Variants in RAB22A observed in about 807,000 individuals in gnomAD.
The protein encoded by RAB22A is ras-related protein Rab-22A.
In RAB22A, 13 loss-of-function variants were observed where a neutral mutation model predicts 30.2. The ratio of observed to expected loss-of-function variants is 0.43; its 90% CI spans 0.28 to 0.68. The LOEUF (loss-of-function observed/expected upper bound fraction) is 0.68. RAB22A is among the 30% of genes least tolerant of loss of function. The probability of loss-of-function intolerance (pLI) is 0.18; values close to 1 mark genes in which losing one functional copy is unlikely to be tolerated. For missense variants in RAB22A, 177 were observed against 246.8 expected (o/e 0.72, Z 1.89); for synonymous variants, 89 against 87.2 (o/e 1.02, Z -0.11).
intron 2 of RAB22A, among the ~76,000 whole-genome samples, chr20:58,314,414 G>A (rs1986295295): frequency 6.6e-6 from 1 of 152,188 alleles, no homozygotes; most frequent in African/African-American, 2.4e-5. Flanking sequence ...GAAATATGCA[G>A]TACTATGAAA....
intron 2 of RAB22A, among the ~76,000 whole-genome samples, chr20:58,313,296 A>G (rs1396391890): frequency 1.3e-5 from 2 of 152,054 alleles, no homozygotes; most frequent in Non-Finnish European, 2.9e-5. Flanking sequence ...AATAGCATAC[A>G]AGGCTTTCTC....
At chr20:58,355,066 G>A (rs540222203) in intron 6 of RAB22A, among the ~76,000 whole-genome samples, 2 of 152,356 alleles carry the variant, frequency 1.3e-5, no homozygotes, top group South Asian at 4.1e-4. Context: ...CTGTAGAGGT[G>A]TGGGGAGTCA....
intron 6 of RAB22A, among the ~76,000 whole-genome samples, chr20:58,358,074 T>C (rs914311631): frequency 3.9e-5 from 6 of 152,320 alleles, no homozygotes; most frequent in Middle Eastern, 3.4e-3. Flanking sequence ...GTAACCTGTT[T>C]CTGGTGTCCT....
chr20:58,324,902 C>G (rs371432066), intron 2 of RAB22A, among the ~76,000 whole-genome samples: 2 of 132,904 alleles, frequency 1.5e-5, no homozygotes, highest in Admixed American at 7.8e-5. Flanking sequence ...TACGCCAGGC[C>G]CGGTGGCTCA....
chr20:58,324,740 G>C (rs537135066), intron 2 of RAB22A, among the ~76,000 whole-genome samples: 1 of 151,308 alleles, frequency 6.6e-6, no homozygotes, highest in Non-Finnish European at 1.5e-5. Flanking sequence ...GGGGGCACAT[G>C]CCTGTAGTCC....
intron 2 of RAB22A, among the ~76,000 whole-genome samples, chr20:58,324,033 CATATAAAT>C (rs1311241502): frequency 6.6e-6 from 1 of 152,108 alleles, no homozygotes; most frequent in Non-Finnish European, 1.5e-5. Flanking sequence ...TGGAGACTAT[CATATAAAT>C]ACTTTTTTAT....
intron 2 of RAB22A, among the ~76,000 whole-genome samples, chr20:58,312,870 A>G (rs1300973874): frequency 1.3e-5 from 2 of 152,172 alleles, no homozygotes; most frequent in Non-Finnish European, 2.9e-5. Flanking sequence ...AGTTTCTGCA[A>G]TTAAAATGCT....
At chr20:58,340,612 C>G (rs1490684689) in intron 2 of RAB22A, among the ~76,000 whole-genome samples, 1 of 152,084 alleles carries the variant, frequency 6.6e-6, no homozygotes, top group Non-Finnish European at 1.5e-5. Context: ...GAGGAAGATA[C>G]CCCTATTACA....
rs1987319720 is a variant in RAB22A at position 58,366,494 on chromosome 20, A to G, written c.*6791A>G. The G allele has an allele frequency of 6.6e-6, 1 of 152,194 alleles. No individual in the cohort carries two copies. Among genetic ancestry groups the G allele is most frequent in the East Asian group, 1.9e-4 (1 of 5,198 alleles). The allele number at this position is 152,194 out of a possible 1,614,324, so 9.4% of individuals were successfully genotyped here. The stretch of plus-strand genomic sequence containing the variant: ...TAAGAATATTCCCAACACAAAGAAA[A>G]GATAAGCGAGGTGAAGGAAATCCCA... On this transcript the variant is annotated 3_prime_UTR_variant, in exon 7 of 7. Transcript: ENST00000244040.
At position 58,364,579 on chromosome 20, in the gene RAB22A, A is replaced by ACCCTCTT; in HGVS notation, c.*4876_*4877insCCCTCTT. ...TAACAGATTTAACAAAAAGTGTTTA[A>ACCCTCTT]TTTACTGCAAGTTCATTTTTAGATC... On this transcript the variant is annotated 3_prime_UTR_variant, in exon 7 of 7. Transcript: ENST00000244040. 1 of 152,290 alleles carries ACCCTCTT rather than the reference A, an allele frequency of 6.6e-6. No homozygotes were observed. The highest frequency in any genetic ancestry group is 1.5e-5 in the Non-Finnish European group (1 of 68,018). The allele number at this position is 152,290 out of a possible 1,614,324, so 9.4% of individuals were successfully genotyped here.
intron 6 of RAB22A, among the ~76,000 whole-genome samples, chr20:58,355,170 A>G (rs1568682254): frequency 6.6e-6 from 1 of 152,122 alleles, no homozygotes; most frequent in Non-Finnish European, 1.5e-5. Context: ...TTGAGAGCCA[A>G]GGGTACTGAA....
rs533821930 is a variant in RAB22A at position 58,317,158 on chromosome 20, G to A, written c.116+6036G>A. 2.2e-3 allele frequency among the ~76,000 whole-genome samples: 340 copies of A among 152,124 alleles called. 1 individual carries two copies. Among genetic ancestry groups the A allele is most frequent in the African/African-American group, 8.0e-3 (333 of 41,492 alleles). On this transcript the variant is annotated intron_variant, in intron 2 of 6. Coordinates refer to ENST00000244040, the MANE Select transcript of RAB22A (RefSeq NM_020673.3). ...GTCGCCCAGGCTGGAGTGCAGTGGC[G>A]CAATCTCGGCTCACTGCAACCTCCG...
At chr20:58,357,149 G>A (rs1987144810) in intron 6 of RAB22A, among the ~76,000 whole-genome samples, 1 of 152,174 alleles carries the variant, frequency 6.6e-6, no homozygotes, top group Admixed American at 6.5e-5. Context: ...TAGTGTATGA[G>A]AAGTCCGATC....
chr20:58,349,621 G>A (rs746173414), intron 3 of RAB22A, among the ~76,000 whole-genome samples: 1 of 152,216 alleles, frequency 6.6e-6, no homozygotes, highest in Non-Finnish European at 1.5e-5. Context: ...CAATCCTGCT[G>A]TGTTACAGGG....
chr20:58,328,704 G>A (rs751584035), intron 2 of RAB22A, among the ~76,000 whole-genome samples: 1 of 151,872 alleles, frequency 6.6e-6, no homozygotes, highest in Non-Finnish European at 1.5e-5. Context: ...CCCTACTTAG[G>A]TAGTCCTTAC....
chr20:58,322,704 G>A (rs1458939554), intron 2 of RAB22A, among the ~76,000 whole-genome samples: 2 of 152,206 alleles, frequency 1.3e-5, no homozygotes, highest in Non-Finnish European at 2.9e-5. Context: ...CCTCGCAAGA[G>A]CGTCCTTCTG....
Position 58,354,276 on chromosome 20 carries a change from C to T in RAB22A, c.487+11C>T, listed in dbSNP as rs76391525. 1.9e-3 allele frequency: 3,027 copies of T among 1,573,660 alleles called. 51 individuals are homozygous for T. The African/African-American group carries it at 0.037, about 19-fold the overall frequency. Reference sequence around the variant, plus strand: ...TCTTTATAGAAATTAGTGAGTATCTCTGTGCCTTATCCATTTCCTCTGTAA... The same window carrying T: ...TCTTTATAGAAATTAGTGAGTATCTTTGTGCCTTATCCATTTCCTCTGTAA... On this transcript the variant is annotated intron_variant, in intron 6 of 6. Transcript: ENST00000244040.
At chr20:58,338,555 A>C (rs989655598) in intron 2 of RAB22A, among the ~76,000 whole-genome samples, 1 of 152,146 alleles carries the variant, frequency 6.6e-6, no homozygotes, top group African/African-American at 2.4e-5. Context: ...GATTCAAGAA[A>C]AGGTTAAAGG....
chr20:58,335,106 A>G (rs1986725481), intron 2 of RAB22A, among the ~76,000 whole-genome samples: 1 of 152,258 alleles, frequency 6.6e-6, no homozygotes, highest in Non-Finnish European at 1.5e-5. Context: ...ATGAATTTCA[A>G]AACCATTGTT....
Sources: allele counts gnomAD v4.1 joint callset (sites outside exome capture counted in the v4.1 genomes callset), GRCh38; gene constraint gnomAD v4.1.1; transcripts MANE v1.5; gene names NCBI Gene and HGNC (gene_info 2026-07-23, HGNC 2026-07-21).